Variants in NDUFS1 observed in about 807,000 individuals in gnomAD.
NDUFS1 encodes the protein NADH-ubiquinone oxidoreductase 75 kDa subunit, mitochondrial.
A neutral mutation model predicts 84.4 loss-of-function variants in NDUFS1; 61 were observed. The ratio of observed to expected loss-of-function variants is 0.72; its 90% CI spans 0.59 to 0.89. The LOEUF (loss-of-function observed/expected upper bound fraction) is 0.89. Ranked by LOEUF, NDUFS1 falls within the 40% of genes least tolerant of loss-of-function variation. The probability of loss-of-function intolerance (pLI) is 0.00; values close to 1 mark genes in which losing one functional copy is unlikely to be tolerated. For synonymous variants in NDUFS1, 275 were observed against 290.0 expected, an observed-to-expected ratio of 0.95 and a Z score of 0.53; for missense variants, 891 against 890.0, an observed-to-expected ratio of 1.00 and a Z score of -0.01.
At chr2:206,125,886 G>T (rs1691275577) in intron 18 of NDUFS1, among the ~76,000 whole-genome samples, 1 of 152,080 alleles carries the variant, frequency 6.6e-6, no homozygotes, top group Non-Finnish European at 1.5e-5. Flanking sequence ...AAATACCATA[G>T]AAGTGATTTT....
At chr2:206,131,593 G>C (rs1452090864) in intron 14 of NDUFS1, among the ~76,000 whole-genome samples, 1 of 152,078 alleles carries the variant, frequency 6.6e-6, no homozygotes, top group Admixed American at 6.6e-5. Flanking sequence ...CCTGAGGTCA[G>C]GAGTTTGAGA....
At chr2:206,136,294 C>T (rs1191490089) in intron 13 of NDUFS1, among the ~76,000 whole-genome samples, 3 of 150,522 alleles carry the variant, frequency 2.0e-5, no homozygotes, top group South Asian at 2.1e-4. Context: ...CCTTGTGATC[C>T]GCCCGCCTCA....
intron 13 of NDUFS1, among the ~76,000 whole-genome samples, chr2:206,135,441 G>A (rs1033585911): frequency 1.2e-4 from 19 of 152,130 alleles, no homozygotes; most frequent in Non-Finnish European, 2.1e-4. Context: ...TTGGGAGGCC[G>A]ACACGGGCAG....
intron 13 of NDUFS1, among the ~76,000 whole-genome samples, chr2:206,136,997 C>G (rs1160006330): frequency 6.7e-6 from 1 of 149,362 alleles, no homozygotes; most frequent in African/African-American, 2.5e-5. Context: ...AGGTGATCCA[C>G]CCACCTCAGC....
chr2:206,136,284 C>T (rs2105957570), intron 13 of NDUFS1, among the ~76,000 whole-genome samples: 1 of 151,404 alleles, frequency 6.6e-6, no homozygotes, highest in East Asian at 1.9e-4. Flanking sequence ...AAACTCCTGA[C>T]CTTGTGATCC....
At position 206,159,113 on chromosome 2, in the gene NDUFS1, C is replaced by T. The variant is rs1192664654; in HGVS notation, c.-5+228G>A. 7 of 1,535,716 alleles carry T rather than the reference C, an allele frequency of 4.6e-6. No individual in the cohort carries two copies. In the South Asian group the frequency reaches 8.3e-5, roughly 18 times the overall value. ...AAGCCTACATTCGTGACAGCGTTCC[C>T]GAGGACCCCCTGATCCTCATCTTCT... is the stretch of plus-strand genomic sequence containing the variant. On this transcript the variant is annotated intron_variant, in intron 1 of 18. Coordinates refer to ENST00000233190, the MANE Select transcript of NDUFS1 (RefSeq NM_005006.7).
At chr2:206,129,840 C>T (rs944634002) in intron 15 of NDUFS1, among the ~76,000 whole-genome samples, 63 of 151,974 alleles carry the variant, frequency 4.1e-4, no homozygotes, top group Middle Eastern at 3.2e-3. Context: ...GATCCACCCG[C>T]ACTGGCCTCC....
rs1692067104 is a variant in NDUFS1, at chr2:206,144,050, A to C, written c.955T>G (p.Trp319Gly). Residue 319 changes from tryptophan to glycine, a missense_variant, in exon 10 of 19, where the codon TGG becomes GGG. Physicochemically the swap from Trp to Gly is radical, Grantham distance 184. Transcript: ENST00000233190. ...NEKGLLTYTSWEDALSRVAGM... is the reference protein window; with the variant it reads ...NEKGLLTYTSGEDALSRVAGM... ...GCTACGCGAGAGAGCGCATCCTCCC[A>C]AGAAGTATAGGTTAAAAGCCCTTTT... is the stretch of plus-strand genomic sequence containing the variant. The C allele has an allele frequency of 6.2e-7, 1 of 1,613,724 alleles. No homozygotes were observed. Among genetic ancestry groups the C allele is most frequent in the South Asian group, 1.1e-5 (1 of 91,088 alleles).
chr2:206,138,735 T>A, intron 12 of NDUFS1, 121 bp from the exon 13 acceptor site: 1 of 1,103,568 alleles, frequency 9.1e-7, no homozygotes, highest in Non-Finnish European at 1.4e-6. Flanking sequence ...ACAATACATT[T>A]AACAGATATG....
At chr2:206,147,701 T>G in intron 6 of NDUFS1, 40 bp from the exon 7 acceptor site, 1 of 1,614,044 alleles carries the variant, frequency 6.2e-7, no homozygotes, top group Non-Finnish European at 8.5e-7. Context: ...ATGCTGCTAA[T>G]AAAATTAAAA....
chr2:206,142,597 T>A (rs1692004494), intron 11 of NDUFS1, 89 bp downstream of exon 11: 1 of 1,492,658 alleles, frequency 6.7e-7, no homozygotes, highest in African/African-American at 1.4e-5. Context: ...CTGGGGGATA[T>A]GTTGGAGAAT....
At position 206,142,726 on chromosome 2, in the gene NDUFS1, T is replaced by C; in HGVS notation, c.1093A>G (p.Thr365Ala). Residue 365 changes from threonine to alanine, a missense_variant, in exon 11 of 19, where the codon ACC becomes GCC. Thr to Ala is a moderately conservative substitution (Grantham distance 58). Coordinates refer to ENST00000233190, the MANE Select transcript of NDUFS1 (RefSeq NM_005006.7). ...KDLLNRVDSDTLCTEEVFPTA... is the reference protein window; with the variant it reads ...KDLLNRVDSDALCTEEVFPTA... Reference sequence around the variant, plus strand: ...GGGAAGACCTCTTCAGTGCATAAGGTGTCAGAGTCCACTCTATTAAGCAAA... The same window carrying C: ...GGGAAGACCTCTTCAGTGCATAAGGCGTCAGAGTCCACTCTATTAAGCAAA... 1 of 1,614,120 alleles carries C rather than the reference T, an allele frequency of 6.2e-7. No individual in the cohort carries two copies. The highest frequency in any genetic ancestry group is 1.7e-5 in the Admixed American group (1 of 60,002).
rs6435327 is a variant in NDUFS1, at chr2:206,141,742, G to A, written c.1262+199C>T. Among the ~76,000 whole-genome samples the A allele has an allele frequency of 0.5, 73,625 of 147,148 alleles. 19,237 individuals carry two copies. The highest frequency in any genetic ancestry group is 0.64 in the African/African-American group (25,592 of 39,788). On this transcript the variant is annotated intron_variant, in intron 12 of 18. Coordinates refer to ENST00000233190, the MANE Select transcript of NDUFS1 (RefSeq NM_005006.7). ...CCCATCTCGAGGCGGAGCTTGCAGA[G>A]CCGAGATCCTGCCACTGCACTCCAG...
chr2:206,145,139 A>G, intron 8 of NDUFS1, 113 bp from the exon 9 acceptor site: 2 of 1,084,826 alleles, frequency 1.8e-6, no homozygotes, highest in Non-Finnish European at 2.6e-6. Flanking sequence ...GAATTACTTT[A>G]AAAAATGAAG....
chr2:206,147,114 A>G (rs780866617), intron 7 of NDUFS1, 26 bp from the exon 8 acceptor site: 5 of 1,611,300 alleles, frequency 3.1e-6, no homozygotes, highest in East Asian at 2.2e-5. Context: ...TGTGTCATCA[A>G]TGGTCAAGTC....
In NDUFS1 at chr2:206,152,511, C is replaced by T; in HGVS notation, c.62-1G>A. 6.2e-7 allele frequency: 1 copy of T among 1,613,550 alleles called. No individual in the cohort carries two copies. Among genetic ancestry groups the T allele is most frequent in the South Asian group, 1.1e-5 (1 of 91,060 alleles). ...CTTGCTGCTGTGGCAGTTGTTCGAA[C>T]TGACCATCAAAGATATTGAAGCGAA... On this transcript the variant is annotated splice_acceptor_variant, in intron 2 of 18. Coordinates refer to ENST00000233190, the MANE Select transcript of NDUFS1 (RefSeq NM_005006.7). LOFTEE classifies it high-confidence loss of function.
At chr2:206,125,673 T>C (rs1575942377) in intron 18 of NDUFS1, among the ~76,000 whole-genome samples, 1 of 152,048 alleles carries the variant, frequency 6.6e-6, no homozygotes, top group East Asian at 1.9e-4. Flanking sequence ...AAAAAACTTT[T>C]AGGTTCAGGG....
Position 206,148,903 on chromosome 2 carries a change from C to G in NDUFS1, c.338+117G>C, listed in dbSNP as rs1025178042. The G allele has an allele frequency of 3.9e-6, 3 of 763,020 alleles. No individual in the cohort carries two copies. The African/African-American group carries it at 5.2e-5, about 13-fold the overall frequency. The allele number at this position is 763,020 out of a possible 1,614,324, so 47.3% of individuals were successfully genotyped here. A position where few individuals can be genotyped will look rare whatever the true frequency, so the allele number is the denominator to read the frequency against. The stretch of plus-strand genomic sequence containing the variant: ...ACTTCTATTGCTCCTAGAAGCTGAG[C>G]ACACCAACTTCTTCCGAGTTTGATA... On this transcript the variant is annotated intron_variant, in intron 5 of 18. Coordinates refer to ENST00000233190, the MANE Select transcript of NDUFS1 (RefSeq NM_005006.7).
intron 1 of NDUFS1, among the ~76,000 whole-genome samples, chr2:206,154,142 T>C (rs1488152158): frequency 6.6e-6 from 1 of 152,236 alleles, no homozygotes; most frequent in Non-Finnish European, 1.5e-5. Flanking sequence ...TATTCTGAGA[T>C]AGCTCACCAG....
Sources: allele counts gnomAD v4.1 joint callset (sites outside exome capture counted in the v4.1 genomes callset), GRCh38; gene constraint gnomAD v4.1.1; transcripts MANE v1.5; gene names NCBI Gene and HGNC (gene_info 2026-07-23, HGNC 2026-07-21).